The following CRISPLD2 variants were observed in gnomAD, a reference collection of about 807,000 sequenced individuals.
CRISPLD2 encodes the protein cysteine-rich secretory protein LCCL domain-containing 2.
CRISPLD2 carries 47 observed loss-of-function variants against 71.1 expected under a neutral mutation model. The observed-to-expected ratio is 0.66, with a 90% CI of 0.52 to 0.84. The LOEUF is 0.84. CRISPLD2 is among the 40% of genes least tolerant of loss of function. The probability of loss-of-function intolerance (pLI) is 0.00; values close to 1 mark genes in which losing one functional copy is unlikely to be tolerated. For synonymous variants in CRISPLD2, 317 were observed against 250.1 expected (o/e 1.27, Z -2.52); for missense variants, 830 against 651.1 (o/e 1.27, Z -2.99).
At chr16:84,893,615 G>C (rs919444864) in intron 14 of CRISPLD2, among the ~76,000 whole-genome samples, 2 of 152,228 alleles carry the variant, frequency 1.3e-5, no homozygotes, top group African/African-American at 4.8e-5. Flanking sequence ...AATGCCAGCA[G>C]CAGGGCCCAG....
chr16:84,843,478 T>C (rs1256581912), intron 2 of CRISPLD2, among the ~76,000 whole-genome samples: 1 of 152,232 alleles, frequency 6.6e-6, no homozygotes, highest in African/African-American at 2.4e-5. Context: ...GGACAGGCTC[T>C]GGAGCCAGCC....
Position 84,849,472 on chromosome 16 carries a change from G to GT in CRISPLD2, c.448dup (p.Cys150LeufsTer71). 1 of 1,614,126 alleles carries GT rather than the reference G, an allele frequency of 6.2e-7. No homozygotes were observed. The highest frequency in any genetic ancestry group is 8.5e-7 in the Non-Finnish European group (1 of 1,179,978). On this transcript the variant is annotated frameshift_variant, in exon 4 of 15. Coordinates refer to ENST00000262424, the MANE Select transcript of CRISPLD2 (RefSeq NM_031476.4). LOFTEE classifies it high-confidence loss of function. ...CCTACCCGAGCGAGTGCAACCCCTG[G>GT]TGTCCAGAGAGGTGCTCGGGGCCCA...
At chr16:84,880,365 G>GT (rs945089928) in intron 12 of CRISPLD2, 144 bp from the exon 13 acceptor site, 67 of 607,322 alleles carry the variant, frequency 1.1e-4, no homozygotes, top group South Asian at 1.7e-4. Flanking sequence ...GAGAAGTATT[G>GT]TTTTTTTTCT....
At chr16:84,852,634 G>C (rs975655219) in intron 5 of CRISPLD2, among the ~76,000 whole-genome samples, 2 of 152,204 alleles carry the variant, frequency 1.3e-5, no homozygotes, top group African/African-American at 4.8e-5. Flanking sequence ...ACCAGGGTGA[G>C]GAGGGTGGCT....
At chr16:84,880,354 G>A (rs2071557460) in intron 12 of CRISPLD2, among the ~76,000 whole-genome samples, 155 bp from the exon 13 acceptor site, 1 of 152,142 alleles carries the variant, frequency 6.6e-6, no homozygotes, top group African/African-American at 2.4e-5. Flanking sequence ...TGCTGAGGGG[G>A]GAGAAGTATT....
At chr16:84,864,026 T>C (rs1020735649) in intron 6 of CRISPLD2, among the ~76,000 whole-genome samples, 2 of 144,086 alleles carry the variant, frequency 1.4e-5, no homozygotes, top group African/African-American at 2.6e-5. Flanking sequence ...GAAAAATGCA[T>C]GCCGGGGAGG....
intron 1 of CRISPLD2, among the ~76,000 whole-genome samples, chr16:84,835,960 A>G (rs1916607622): frequency 6.6e-6 from 1 of 152,162 alleles, no homozygotes; most frequent in Non-Finnish European, 1.5e-5. Context: ...TGATCTGACA[A>G]TCCAAAATCC....
At chr16:84,876,224 G>T (rs527483123) in intron 11 of CRISPLD2, among the ~76,000 whole-genome samples, 2 of 152,170 alleles carry the variant, frequency 1.3e-5, no homozygotes, top group African/African-American at 4.8e-5. Context: ...TTACCTGGCC[G>T]GGCGCGGTGG....
chr16:84,834,382 G>A (rs766119029), intron 1 of CRISPLD2, among the ~76,000 whole-genome samples: 92 of 152,346 alleles, frequency 6.0e-4, no homozygotes, highest in Middle Eastern at 3.4e-3. Flanking sequence ...GAAGTGCTTC[G>A]GTCCCGGTTC....
intron 1 of CRISPLD2, among the ~76,000 whole-genome samples, chr16:84,826,535 T>C (rs1229905305): frequency 2.0e-5 from 3 of 152,220 alleles, no homozygotes; most frequent in East Asian, 1.9e-4. Flanking sequence ...ATGATGTGTG[T>C]CCATCTTCCC....
chr16:84,849,427 G>A lies in CRISPLD2; in HGVS notation c.402G>A (p.Glu134=). Residue 134 remains glutamate, a synonymous_variant, in exon 4 of 15, where the codon GAG becomes GAA. Coordinates refer to ENST00000262424, the MANE Select transcript of CRISPLD2 (RefSeq NM_031476.4). ...TCCATGTGCAGTCCTGGTATGACGA[G>A]GTGAAGGACTACACCTACCCCTACC... ...PGFHVQSWYD[E]VKDYTYPYPS... 1.9e-6 allele frequency: 3 copies of A among 1,614,132 alleles called. No individual in the cohort carries two copies. The highest frequency in any genetic ancestry group is 2.5e-6 in the Non-Finnish European group (3 of 1,179,992).
intron 6 of CRISPLD2, among the ~76,000 whole-genome samples, chr16:84,856,207 G>A (rs949484374): frequency 6.6e-6 from 1 of 152,202 alleles, no homozygotes; most frequent in African/African-American, 2.4e-5. Context: ...GGCTGTTGTA[G>A]TTTCCCATTG....
At chr16:84,880,691 C>CTAAATTAATTAATTAAT (rs1567699600) in intron 13 of CRISPLD2, 107 bp downstream of exon 13, 1 of 648,672 alleles carries the variant, frequency 1.5e-6, no homozygotes, top group East Asian at 2.9e-5. Context: ...TGCCTCTTAG[C>CTAAATTAATTAATTAAT]TAAATTAATT....
At chr16:84,884,835 C>G (rs1427944860) in intron 13 of CRISPLD2, among the ~76,000 whole-genome samples, 1 of 152,184 alleles carries the variant, frequency 6.6e-6, no homozygotes, top group African/African-American at 2.4e-5. Flanking sequence ...AGCACCGCCT[C>G]TGGGGCTGCC....
intron 5 of CRISPLD2, among the ~76,000 whole-genome samples, chr16:84,851,452 T>C (rs1292718360): frequency 6.8e-6 from 1 of 147,172 alleles, no homozygotes; most frequent in Non-Finnish European, 1.5e-5. Flanking sequence ...CTGTGTAGAG[T>C]GGGCCCCGGG....
At chr16:84,896,650 G>A (rs2071708952) in intron 14 of CRISPLD2, among the ~76,000 whole-genome samples, 1 of 152,150 alleles carries the variant, frequency 6.6e-6, no homozygotes. Context: ...GAGCTGTGAT[G>A]GAGGCGAGGT....
chr16:84,885,233 CTTAA>C (rs2071602109), intron 13 of CRISPLD2, among the ~76,000 whole-genome samples: 1 of 151,574 alleles, frequency 6.6e-6, no homozygotes, highest in Admixed American at 6.6e-5. Flanking sequence ...GAACAATGAG[CTTAA>C]TTGTGTTCGC....
chr16:84,902,466 C>T (rs368995885), intron 14 of CRISPLD2, among the ~76,000 whole-genome samples: 38 of 151,748 alleles, frequency 2.5e-4, no homozygotes, highest in African/African-American at 7.2e-4. Context: ...AAAAATTAGC[C>T]AGGCGTGGTG....
At chr16:84,863,833 T>G (rs1917457729) in intron 6 of CRISPLD2, among the ~76,000 whole-genome samples, 1 of 151,052 alleles carries the variant, frequency 6.6e-6, no homozygotes, top group Non-Finnish European at 1.5e-5. Flanking sequence ...CCGGGCATGG[T>G]GGCGCATGCC....
Sources: gnomAD v4.1 joint callset for allele counts (sites outside exome capture counted in the v4.1 genomes callset) on GRCh38, gnomAD v4.1.1 for gene constraint, MANE v1.5 for transcripts, NCBI Gene and HGNC (gene_info 2026-07-23, HGNC 2026-07-21) for gene names.